GREB1L: variants seen among roughly 807,000 people sequenced by gnomAD.
GREB1L encodes the protein GREB1 like retinoic acid receptor coactivator.
Under a neutral mutation model 200.8 loss-of-function variants are expected in GREB1L, and 17 were observed. The ratio of observed to expected loss-of-function variants is 0.08; its 90% CI spans 0.06 to 0.13. GREB1L has a LOEUF of 0.13. Among genes scored for constraint, GREB1L ranks in the 10% least tolerant of loss-of-function variants. GREB1L has a pLI of 1.00. For missense variants in GREB1L, 1,657 were observed against 2,367.7 expected (o/e 0.70, Z 6.23); for synonymous variants, 789 against 893.0 (o/e 0.88, Z 2.08).
chr18:21,434,401 A>C (rs971816491), intron 7 of GREB1L, among the ~76,000 whole-genome samples: 1 of 150,812 alleles, frequency 6.6e-6, no homozygotes, highest in African/African-American at 2.4e-5. Flanking sequence ...TCTTGAACCC[A>C]GGAGGAAGAG....
At chr18:21,522,113 T>C (rs532115122) in intron 32 of GREB1L, among the ~76,000 whole-genome samples, 71 of 148,876 alleles carry the variant, frequency 4.8e-4, no homozygotes, top group African/African-American at 1.7e-3. Flanking sequence ...ATGAGAAACA[T>C]AACATTAGTT....
chr18:21,272,879 A>C (rs1030539919), intron 1 of GREB1L, among the ~76,000 whole-genome samples: 7 of 152,240 alleles, frequency 4.6e-5, no homozygotes, highest in Admixed American at 2.0e-4. Context: ...AAAAGAGAAA[A>C]AGCTAGTTTT....
At chr18:21,321,662 T>C (rs2038953282) in intron 1 of GREB1L, among the ~76,000 whole-genome samples, 1 of 152,128 alleles carries the variant, frequency 6.6e-6, no homozygotes, top group Non-Finnish European at 1.5e-5. Flanking sequence ...ACTCCAAGCC[T>C]GGGCGACACA....
chr18:21,270,306 A>T (rs2038057591), intron 1 of GREB1L, among the ~76,000 whole-genome samples: 1 of 152,130 alleles, frequency 6.6e-6, no homozygotes, highest in African/African-American at 2.4e-5. Context: ...TAGGGAAGGG[A>T]GTTGCATGAG....
At chr18:21,290,217 T>C (rs1018980126) in intron 1 of GREB1L, among the ~76,000 whole-genome samples, 1 of 152,310 alleles carries the variant, frequency 6.6e-6, no homozygotes, top group South Asian at 2.1e-4. Flanking sequence ...GCCCTCTAGA[T>C]GTAGCAAAAA....
chr18:21,372,975 T>C (rs2039939109), intron 2 of GREB1L, among the ~76,000 whole-genome samples: 1 of 152,122 alleles, frequency 6.6e-6, no homozygotes, highest in Admixed American at 6.5e-5. Flanking sequence ...TTAGTGTTCA[T>C]GTATTTTATG....
At position 21,490,121 on chromosome 18, in the gene GREB1L, C is replaced by T; in HGVS notation, c.2800C>T (p.Pro934Ser). 5 of 1,551,850 alleles carry T rather than the reference C, an allele frequency of 3.2e-6. No individual in the cohort carries two copies. The highest frequency in any genetic ancestry group is 4.4e-6 in the Non-Finnish European group (5 of 1,147,026). Residue 934 changes from proline (P) to serine (S), a missense_variant, in exon 19 of 33, where the codon CCA (proline) becomes TCA (serine). By Grantham distance (74) the Pro-to-Ser change is moderately conservative (BLOSUM62 -1). Around this residue, in one of 9 missense-constraint regions of GREB1L, gnomAD observed 82 missense variants for 95.9 expected, o/e 0.85. Transcript: ENST00000424526. Reference sequence around the variant, plus strand: ...GGCGTCACTCCGCGACCACAGCACACCAGAAACACTCAGCATTATGGATGA... The same window carrying T: ...GGCGTCACTCCGCGACCACAGCACATCAGAAACACTCAGCATTATGGATGA... ...TMASLRDHSTPETLSIMDDLI... is the reference protein window; with the variant it reads ...TMASLRDHSTSETLSIMDDLI...
intron 23 of GREB1L, 60 bp from the exon 24 acceptor site, chr18:21,505,352 C>G: frequency 6.8e-7 from 1 of 1,478,382 alleles, no homozygotes. Flanking sequence ...GCCATTCTCT[C>G]TGACACATGG....
intron 23 of GREB1L, among the ~76,000 whole-genome samples, chr18:21,503,640 G>A (rs1032508010): frequency 2.6e-5 from 4 of 151,282 alleles, no homozygotes; most frequent in African/African-American, 9.7e-5. Flanking sequence ...GCAGTGGTGC[G>A]ATCTTGGCTC....
intron 2 of GREB1L, among the ~76,000 whole-genome samples, chr18:21,369,610 T>TA (rs926407476): frequency 6.6e-6 from 1 of 152,162 alleles, no homozygotes. Flanking sequence ...TAATTATTTC[T>TA]AAAAAAATTT....
At chr18:21,298,886 G>A (rs146902202) in intron 1 of GREB1L, among the ~76,000 whole-genome samples, 2 of 151,904 alleles carry the variant, frequency 1.3e-5, no homozygotes, top group East Asian at 3.9e-4. Flanking sequence ...TATGAGCTGT[G>A]ATCATGCCAC....
At chr18:21,412,775 A>G (rs1435207466) in intron 7 of GREB1L, among the ~76,000 whole-genome samples, 1 of 152,034 alleles carries the variant, frequency 6.6e-6, no homozygotes, top group Non-Finnish European at 1.5e-5. Context: ...TCCTTAAGCT[A>G]TAAATGTTTT....
intron 1 of GREB1L, among the ~76,000 whole-genome samples, chr18:21,289,274 G>A (rs142287364): frequency 6.6e-6 from 1 of 152,236 alleles, no homozygotes; most frequent in Non-Finnish European, 1.5e-5. Context: ...TTTAGGCCAG[G>A]TGTGGTAGCT....
At chr18:21,277,065 A>T (rs939415195) in intron 1 of GREB1L, among the ~76,000 whole-genome samples, 1 of 151,460 alleles carries the variant, frequency 6.6e-6, no homozygotes, top group Admixed American at 6.6e-5. Context: ...AGTAGCTGGG[A>T]CTGCAGGCAC....
At chr18:21,261,971 C>A (rs1352033162) in intron 1 of GREB1L, among the ~76,000 whole-genome samples, 1 of 151,922 alleles carries the variant, frequency 6.6e-6, no homozygotes, top group Non-Finnish European at 1.5e-5. Context: ...CTTTAATATA[C>A]ATGTTTCCAT....
chr18:21,362,378 C>A (rs28661749), intron 1 of GREB1L, among the ~76,000 whole-genome samples: 1 of 151,714 alleles, frequency 6.6e-6, no homozygotes, highest in African/African-American at 2.4e-5. Context: ...TCATTAGTAA[C>A]CCCAAAGAAA....
At chr18:21,499,704 G>T in intron 21 of GREB1L, 25 bp from the exon 22 acceptor site, 1 of 1,497,624 alleles carries the variant, frequency 6.7e-7, no homozygotes, top group Non-Finnish European at 9.1e-7. Context: ...CTGCTGTGGG[G>T]TGGGTTCTGT....
At chr18:21,288,769 CT>C (rs1312171683) in intron 1 of GREB1L, among the ~76,000 whole-genome samples, 7 of 151,742 alleles carry the variant, frequency 4.6e-5, no homozygotes, top group Admixed American at 1.3e-4. Context: ...CAGAGTTTCA[CT>C]CTTGTCGCCC....
intron 2 of GREB1L, among the ~76,000 whole-genome samples, chr18:21,372,735 A>G (rs1192745470): frequency 6.6e-6 from 1 of 152,040 alleles, no homozygotes; most frequent in Non-Finnish European, 1.5e-5. Flanking sequence ...CAGCCTGACC[A>G]ATATGGAGAA....
Sources: allele counts gnomAD v4.1 joint callset (sites outside exome capture counted in the v4.1 genomes callset), GRCh38; gene constraint gnomAD v4.1.1; regional missense constraint gnomAD v4.1.1; transcripts MANE v1.5; gene names NCBI Gene and HGNC (gene_info 2026-07-23, HGNC 2026-07-21).